Variants in CDH11 observed in about 807,000 individuals in gnomAD.
The protein encoded by CDH11 is cadherin-11.
Under a neutral mutation model 67.8 loss-of-function variants are expected in CDH11, and 11 were observed. The observed-to-expected ratio is 0.16, with a 90% CI of 0.10 to 0.27. CDH11 has a LOEUF of 0.27. Ranked by LOEUF, CDH11 falls within the 10% of genes least tolerant of loss-of-function variation. The pLI is 1.00. For missense variants in CDH11, 847 were observed against 1,031.2 expected, an observed-to-expected ratio of 0.82 and a Z score of 2.45; for synonymous variants, 419 against 400.0, an observed-to-expected ratio of 1.05 and a Z score of -0.57.
intron 1 of CDH11, among the ~76,000 whole-genome samples, chr16:65,082,716 T>C (rs1300941527): frequency 2.0e-5 from 3 of 152,238 alleles, no homozygotes; most frequent in East Asian, 3.8e-4. Flanking sequence ...AATTTTGCCA[T>C]CAGTAAGGTC....
intron 11 of CDH11, among the ~76,000 whole-genome samples, chr16:64,956,675 G>T (rs1423937907): frequency 6.6e-6 from 1 of 152,174 alleles, no homozygotes; most frequent in African/African-American, 2.4e-5. Flanking sequence ...TGCACAAAGT[G>T]TAGTGTTTCT....
intron 5 of CDH11, 111 bp from the exon 6 acceptor site, chr16:64,992,046 C>A (rs1229573322): frequency 2.6e-5 from 18 of 684,416 alleles, no homozygotes; most frequent in Non-Finnish European, 4.2e-5. Flanking sequence ...ATGCCCTCAG[C>A]AAGAATCATT....
At chr16:65,011,559 C>A (rs1001998206) in intron 2 of CDH11, among the ~76,000 whole-genome samples, 6 of 152,092 alleles carry the variant, frequency 3.9e-5, no homozygotes, top group African/African-American at 1.2e-4. Context: ...GTAACTAAAT[C>A]ATCTTCAAAT....
intron 2 of CDH11, among the ~76,000 whole-genome samples, chr16:65,039,935 T>C (rs1291530101): frequency 6.6e-6 from 1 of 152,194 alleles, no homozygotes; most frequent in Admixed American, 6.5e-5. Flanking sequence ...AAGACATTTA[T>C]GCAGCCAAAA....
At chr16:65,045,019 G>T (rs747511658) in intron 2 of CDH11, among the ~76,000 whole-genome samples, 5 of 151,886 alleles carry the variant, frequency 3.3e-5, no homozygotes, top group Admixed American at 3.3e-4. Flanking sequence ...CACTGTGTGG[G>T]GGCTGGCACG....
At chr16:65,050,722 G>A (rs2074040942) in intron 2 of CDH11, among the ~76,000 whole-genome samples, 1 of 151,144 alleles carries the variant, frequency 6.6e-6, no homozygotes, top group African/African-American at 2.4e-5. Flanking sequence ...CAGCCTTGGA[G>A]TAATTTACCT....
intron 1 of CDH11, among the ~76,000 whole-genome samples, chr16:65,088,270 T>C (rs2074736205): frequency 6.6e-6 from 1 of 152,172 alleles, no homozygotes; most frequent in Admixed American, 6.5e-5. Context: ...CAATAATACA[T>C]TTTCTGTTGT....
intron 1 of CDH11, among the ~76,000 whole-genome samples, chr16:65,109,363 T>G (rs541700244): frequency 6.6e-6 from 1 of 152,180 alleles, no homozygotes; most frequent in Non-Finnish European, 1.5e-5. Context: ...AGCAAATTCC[T>G]TTCAAAGGTG....
intron 1 of CDH11, among the ~76,000 whole-genome samples, chr16:65,094,279 T>C (rs866013132): frequency 6.6e-6 from 1 of 152,202 alleles, no homozygotes; most frequent in Non-Finnish European, 1.5e-5. Flanking sequence ...GAAACACCAA[T>C]AGTTATAAAA....
intron 1 of CDH11, among the ~76,000 whole-genome samples, chr16:65,120,471 T>G (rs568927783): frequency 6.6e-6 from 1 of 152,236 alleles, no homozygotes; most frequent in South Asian, 2.1e-4. Flanking sequence ...TAGCCATGAT[T>G]AGAAGAAGAA....
At chr16:64,989,622 C>T (rs1207900137) in intron 6 of CDH11, among the ~76,000 whole-genome samples, 1 of 152,022 alleles carries the variant, frequency 6.6e-6, no homozygotes, top group Admixed American at 6.6e-5. Flanking sequence ...GAGAGAAGGG[C>T]TGTAAGGAAG....
At chr16:65,002,195 C>A (rs1023638412) in intron 3 of CDH11, among the ~76,000 whole-genome samples, 1 of 152,180 alleles carries the variant, frequency 6.6e-6, no homozygotes, top group Non-Finnish European at 1.5e-5. Context: ...GAAGGTCACA[C>A]ACCATGAATA....
intron 6 of CDH11, 82 bp downstream of exon 6, chr16:64,991,681 TACCTC>T (rs1416469623): frequency 3.4e-6 from 3 of 893,096 alleles, no homozygotes; most frequent in Non-Finnish European, 5.1e-6. Context: ...TTCTTTTTGA[TACCTC>T]AGTAAAGCAG....
rs189971624 is a variant in CDH11 at position 65,066,568 on chromosome 16, G to T, written c.-297-12640C>A. On this transcript the variant is annotated intron_variant, in intron 1 of 12. Transcript: ENST00000268603. ...TTTTAAAACGTTAATAAAACAGAGA[G>T]GGGATCATATCTTCTTAGGACCTCT... 2.8e-4 allele frequency among the ~76,000 whole-genome samples: 42 copies of T among 152,314 alleles called. 2 individuals are homozygous for T. The highest frequency in any genetic ancestry group is 1.5e-3 in the Admixed American group (23 of 15,296).
At chr16:65,044,774 C>G (rs2073926463) in intron 2 of CDH11, among the ~76,000 whole-genome samples, 1 of 152,080 alleles carries the variant, frequency 6.6e-6, no homozygotes, top group Admixed American at 6.5e-5. Flanking sequence ...GGGCCTGGAT[C>G]AAATCAGTCT....
intron 3 of CDH11, 42 bp downstream of exon 3, chr16:65,004,600 T>C (rs772151958): frequency 8.4e-5 from 132 of 1,575,360 alleles, no homozygotes; most frequent in Non-Finnish European, 1.7e-6. Context: ...ACTATTCCAA[T>C]GGTGGGTTGG....
At chr16:65,078,367 G>A (rs142339251) in intron 1 of CDH11, among the ~76,000 whole-genome samples, 72 of 152,252 alleles carry the variant, frequency 4.7e-4, no homozygotes, top group African/African-American at 1.5e-3. Context: ...TGATACATTC[G>A]TGCTTCTGGT....
intron 1 of CDH11, chr16:65,094,469 T>A (rs1274930016): frequency 6.6e-6 from 1 of 152,122 alleles, no homozygotes; most frequent in East Asian, 1.9e-4. Context: ...AGTAGATATG[T>A]ATTTATATAT....
chr16:64,968,533 A>G lies in CDH11; in HGVS notation c.1642+3046T>C, dbSNP rs576995833. 2.3e-4 allele frequency: 225 copies of G among 985,366 alleles called. No individual in the cohort carries two copies. In the Middle Eastern group the frequency reaches 3.7e-3, roughly 16 times the overall value. The allele number at this position is 985,366 out of a possible 1,614,324, so 61.0% of individuals were successfully genotyped here. On this transcript the variant is annotated intron_variant, in intron 11 of 12. Transcript: ENST00000268603. The stretch of plus-strand genomic sequence containing the variant: ...ATGTTGAAGAATCATCCAGTGTTCT[A>G]TTTTCCTGCTGCCTGCTGAGTCGGC...
Sources: allele counts gnomAD v4.1 joint callset (sites outside exome capture counted in the v4.1 genomes callset), GRCh38; gene constraint gnomAD v4.1.1; transcripts MANE v1.5; gene names NCBI Gene and HGNC (gene_info 2026-07-23, HGNC 2026-07-21).